The following SIAH1 variants were observed in gnomAD, a reference collection of about 807,000 sequenced individuals.
SIAH1 encodes siah E3 ubiquitin protein ligase 1.
In SIAH1, 2 loss-of-function variants were observed where a neutral mutation model predicts 20.0. That is an observed-to-expected ratio of 0.10 (90% CI 0.04 to 0.31). SIAH1 has a LOEUF of 0.31. SIAH1 is among the 10% of genes least tolerant of loss of function. The pLI is 1.00. For synonymous variants in SIAH1, 118 were observed against 125.3 expected (o/e 0.94, Z 0.39); for missense variants, 119 against 355.3 (o/e 0.33, Z 5.35).
At chr16:48,382,641 G>A (rs939464060) in intron 1 of SIAH1, among the ~76,000 whole-genome samples, 3 of 152,072 alleles carry the variant, frequency 2.0e-5, no homozygotes, top group Admixed American at 2.0e-4. Flanking sequence ...TTTGGCGGGG[G>A]GATGGAAGGT....
upstream of SIAH1, among the ~76,000 whole-genome samples, chr16:48,385,735 G>T (rs1409134330): frequency 6.6e-6 from 1 of 151,966 alleles, no homozygotes; most frequent in Non-Finnish European, 1.5e-5. Flanking sequence ...GCTTTGTTCC[G>T]GGGCCGCGTG....
At chr16:48,386,497 ACT>A (rs937819873), upstream of SIAH1, among the ~76,000 whole-genome samples, 4 of 152,172 alleles carry the variant, frequency 2.6e-5, no homozygotes, top group Admixed American at 6.5e-5. Flanking sequence ...ACAGAGCGAG[ACT>A]CTGTCTCAAA....
At chr16:48,381,802 CATGT>C (rs1383242142) in intron 1 of SIAH1, among the ~76,000 whole-genome samples, 1 of 152,086 alleles carries the variant, frequency 6.6e-6, no homozygotes, top group African/African-American at 2.4e-5. Context: ...TGAAAGCATT[CATGT>C]ATGTCATTAT....
intron 1 of SIAH1, chr16:48,365,694 T>G: frequency 7.0e-7 from 1 of 1,422,450 alleles, no homozygotes. Flanking sequence ...CAAATTCGAC[T>G]GCATCTCCAA....
chr16:48,386,785 G>A (rs192057992), upstream of SIAH1, among the ~76,000 whole-genome samples: 1 of 152,304 alleles, frequency 6.6e-6, no homozygotes, highest in Admixed American at 6.5e-5. Context: ...TGGTCGTGAA[G>A]GGCAGAGGAG....
At chr16:48,381,323 GCA>G (rs1961286309) in intron 1 of SIAH1, among the ~76,000 whole-genome samples, 2 of 152,064 alleles carry the variant, frequency 1.3e-5, no homozygotes, top group Admixed American at 1.3e-4. Flanking sequence ...CCACCCCAGG[GCA>G]CAGAGTGAGA....
At chr16:48,386,389 C>T (rs986846437), upstream of SIAH1, among the ~76,000 whole-genome samples, 1 of 152,092 alleles carries the variant, frequency 6.6e-6, no homozygotes, top group African/African-American at 2.4e-5. Context: ...CGCCTGTAGT[C>T]CCAGCTACTC....
chr16:48,370,229 G>A (rs1960948324), intron 1 of SIAH1, among the ~76,000 whole-genome samples: 1 of 152,096 alleles, frequency 6.6e-6, no homozygotes, highest in Non-Finnish European at 1.5e-5. Flanking sequence ...CCTTAAGTAG[G>A]AAGAGCCACA....
At chr16:48,370,454 A>G (rs1960954461) in intron 1 of SIAH1, among the ~76,000 whole-genome samples, 3 of 152,140 alleles carry the variant, frequency 2.0e-5, no homozygotes, top group Admixed American at 6.5e-5. Context: ...GGTAGACTCA[A>G]TGGTTTACAT....
At chr16:48,377,414 CAG>C (rs1191831893) in intron 1 of SIAH1, among the ~76,000 whole-genome samples, 2 of 131,818 alleles carry the variant, frequency 1.5e-5, no homozygotes, top group East Asian at 2.1e-4. Context: ...TTTTTTGAGA[CAG>C]AGTCTTGTTC....
chr16:48,379,479 T>C (rs934417245), intron 1 of SIAH1, among the ~76,000 whole-genome samples: 1 of 152,182 alleles, frequency 6.6e-6, no homozygotes, highest in Non-Finnish European at 1.5e-5. Context: ...TAGAGAAGTT[T>C]GTAAGAAACA....
chr16:48,368,792 A>G (rs974237357), intron 1 of SIAH1, among the ~76,000 whole-genome samples: 4 of 152,230 alleles, frequency 2.6e-5, no homozygotes, highest in African/African-American at 9.6e-5. Flanking sequence ...CATCTCTAGT[A>G]AAACAAAAAT....
intron 1 of SIAH1, chr16:48,366,026 A>T: frequency 3.5e-6 from 2 of 569,710 alleles, no homozygotes; most frequent in Non-Finnish European, 4.6e-6. Context: ...TGCTCGCGCA[A>T]GGGTGGGGCC....
At chr16:48,383,355 T>G (rs1463909708) in intron 1 of SIAH1, among the ~76,000 whole-genome samples, 6 of 152,226 alleles carry the variant, frequency 3.9e-5, no homozygotes. Context: ...AACCAATTTG[T>G]GTAATCTACT....
intron 1 of SIAH1, among the ~76,000 whole-genome samples, chr16:48,371,674 A>G (rs1960989767): frequency 6.6e-6 from 1 of 152,254 alleles, no homozygotes; most frequent in Non-Finnish European, 1.5e-5. Flanking sequence ...AAAACTTTTT[A>G]GCAACACACT....
chr16:48,365,323 G>A (rs1219484727), intron 1 of SIAH1: 3 of 1,573,204 alleles, frequency 1.9e-6, no homozygotes, highest in Non-Finnish European at 1.7e-6. Flanking sequence ...AGCCAGGCAG[G>A]TTCCACTGAC....
Position 48,361,827 on chromosome 16 carries a change from C to A in SIAH1, c.602G>T (p.Gly201Val). The change falls in exon 2 of 2, where the codon GGT becomes GTT. Residue 201 changes from glycine (G) to valine (V), a missense_variant. Gly to Val is a moderately radical substitution (Grantham distance 109). Transcript: ENST00000394725. ...TACGATTGCGAAGAACTGCTGGTGA[C>A]CATCGTATTTTTCCTGTTTCTCTAA... is the stretch of plus-strand genomic sequence containing the variant. ...LVLEKQEKYDGHQQFFAIVQL... is the reference protein window; with the variant it reads ...LVLEKQEKYDVHQQFFAIVQL... 6.2e-7 allele frequency: 1 copy of A among 1,614,128 alleles called. No individual in the cohort carries two copies. The highest frequency in any genetic ancestry group is 8.5e-7 in the Non-Finnish European group (1 of 1,180,026).
intron 1 of SIAH1, among the ~76,000 whole-genome samples, chr16:48,379,864 G>C (rs1334178132): frequency 6.6e-6 from 1 of 152,154 alleles, no homozygotes; most frequent in East Asian, 1.9e-4. Context: ...AAAATGGCAG[G>C]GGAGTAACAA....
At position 48,374,895 on chromosome 16, in the gene SIAH1, G is replaced by A. The variant is rs971254736; in HGVS notation, c.-3+10309C>T. Among the ~76,000 whole-genome samples the A allele has an allele frequency of 1.6e-4, 25 of 152,098 alleles. 1 individual carries two copies. Among genetic ancestry groups the A allele is most frequent in the Admixed American group, 8.5e-4 (13 of 15,262 alleles). On this transcript the variant is annotated intron_variant, in intron 1 of 1. Transcript: ENST00000394725. Reference sequence around the variant, plus strand: ...AAATTAGGAATGTAGGAATGAGAAGGGTATGCACATGTGATGGGGGCAAGA... The same window carrying A: ...AAATTAGGAATGTAGGAATGAGAAGAGTATGCACATGTGATGGGGGCAAGA...
Sources: allele counts gnomAD v4.1 joint callset (sites outside exome capture counted in the v4.1 genomes callset), GRCh38; gene constraint gnomAD v4.1.1; transcripts MANE v1.5; gene names NCBI Gene and HGNC (gene_info 2026-07-23, HGNC 2026-07-21).